CYFIP2: variants seen among roughly 807,000 people sequenced by gnomAD.
CYFIP2 encodes cytoplasmic FMR1-interacting protein 2.
Under a neutral mutation model 158.7 loss-of-function variants are expected in CYFIP2, and 29 were observed. That is an observed-to-expected ratio of 0.18 (90% confidence interval 0.14 to 0.25). CYFIP2 has a LOEUF of 0.25. Ranked by LOEUF, CYFIP2 falls within the 10% of genes least tolerant of loss-of-function variation. The pLI, the probability that CYFIP2 is intolerant of heterozygous loss-of-function variation, is 1.00. For missense variants in CYFIP2, 852 were observed against 1,639.5 expected, an observed-to-expected ratio of 0.52 and a Z score of 8.29; for synonymous variants, 585 against 617.6, an observed-to-expected ratio of 0.95 and a Z score of 0.78.
At chr5:157,384,269 G>T (rs779145327) in intron 28 of CYFIP2, 1 of 456,636 alleles carries the variant, frequency 2.2e-6, no homozygotes, top group Non-Finnish European at 4.4e-6. Context: ...GGGGGAGAGC[G>T]GAGAAACAAA....
intron 26 of CYFIP2, among the ~76,000 whole-genome samples, chr5:157,382,046 A>C (rs1766180069): frequency 6.6e-6 from 1 of 152,218 alleles, no homozygotes; most frequent in Non-Finnish European, 1.5e-5. Context: ...ATCTTTGCAC[A>C]TAACAAATAA....
At chr5:157,374,984 C>T (rs1440666248) in intron 26 of CYFIP2, among the ~76,000 whole-genome samples, 8 of 152,264 alleles carry the variant, frequency 5.3e-5, no homozygotes, top group South Asian at 2.1e-4. Flanking sequence ...TGCCTAATGA[C>T]GAGTAAGGGA....
At position 157,312,863 on chromosome 5, in the gene CYFIP2, T is replaced by A. The variant is rs150741679; in HGVS notation, c.1110+1082T>A. ...CTTATTTTGAGTGCTAGAGCTCTTT[T>A]AAAAATTTTTTTTAATATTTTATTT... On this transcript the variant is annotated intron_variant, in intron 11 of 30. Transcript: ENST00000620254. Among the ~76,000 whole-genome samples, 51 of 152,274 alleles carry A rather than the reference T, an allele frequency of 3.3e-4. No homozygotes were observed. The East Asian group carries it at 3.7e-3, about 11-fold the overall frequency.
chr5:157,317,721 T>C (rs904874691), intron 13 of CYFIP2, among the ~76,000 whole-genome samples: 27 of 152,268 alleles, frequency 1.8e-4, no homozygotes, highest in African/African-American at 6.5e-4. Flanking sequence ...TTGTTCTTCA[T>C]AGAATTAGCA....
At chr5:157,324,197 AC>A in intron 16 of CYFIP2, 123 bp downstream of exon 16, 1 of 1,158,078 alleles carries the variant, frequency 8.6e-7, no homozygotes, top group Non-Finnish European at 1.2e-6. Context: ...GGCACATATC[AC>A]CACCAAGGAA....
At chr5:157,300,533 CAAAA>C (rs72316432) in intron 5 of CYFIP2, among the ~76,000 whole-genome samples, 178 bp from the exon 6 acceptor site, 4 of 121,196 alleles carry the variant, frequency 3.3e-5, no homozygotes, top group Non-Finnish European at 5.2e-5. Context: ...GACTCCGTCT[CAAAA>C]AAAAAAAAAA....
chr5:157,382,752 A>T (rs1766254761), intron 27 of CYFIP2, 90 bp downstream of exon 27: 1 of 1,317,254 alleles, frequency 7.6e-7, no homozygotes, highest in Non-Finnish European at 1.1e-6. Flanking sequence ...TCTAGTCAGC[A>T]AGGGGGAAGG....
intron 2 of CYFIP2, 29 bp downstream of exon 2, chr5:157,285,507 G>T (rs1757303156): frequency 6.5e-7 from 1 of 1,542,562 alleles, no homozygotes; most frequent in African/African-American, 1.4e-5. Flanking sequence ...AGCACCAGGG[G>T]GCCCAGGAAT....
chr5:157,343,140 G>A (rs1762412242), intron 23 of CYFIP2: 1 of 1,614,220 alleles, frequency 6.2e-7, no homozygotes, highest in Non-Finnish European at 8.5e-7. Context: ...CAGAACTGGA[G>A]GCAGATGAAG....
intron 1 of CYFIP2, among the ~76,000 whole-genome samples, chr5:157,267,214 C>G (rs149362986): frequency 3.9e-5 from 6 of 152,332 alleles, no homozygotes; most frequent in Non-Finnish European, 8.8e-5. Context: ...CCAGCTAGGC[C>G]AAGAATGGGA....
chr5:157,388,491 C>T (rs1455856757), intron 28 of CYFIP2, among the ~76,000 whole-genome samples: 1 of 152,242 alleles, frequency 6.6e-6, no homozygotes, highest in East Asian at 1.9e-4. Flanking sequence ...CAATCCCACT[C>T]ACTACTCCAA....
At chr5:157,389,643 A>C (rs1458217370) in intron 29 of CYFIP2, 5 of 512,388 alleles carry the variant, frequency 9.8e-6, no homozygotes, top group Non-Finnish European at 1.4e-5. Flanking sequence ...CCCCCACTAC[A>C]CTGTACTACT....
chr5:157,311,443 A>T lies in CYFIP2; in HGVS notation c.993-221A>T. ...GGAAAGGCCTACAGTTGGATCCTAG[A>T]TGAGGCTGGCACCAAAGAGGAGGAG... On this transcript the variant is annotated intron_variant, in intron 10 of 30. Transcript: ENST00000620254. This position sits in a 1 kb window ranked among gnomAD's most constrained non-coding sequence, Gnocchi z 4.7. The T allele has an allele frequency of 1.7e-6, 1 of 571,954 alleles. No individual in the cohort carries two copies. Among genetic ancestry groups the T allele is most frequent in the Non-Finnish European group, 3.1e-6 (1 of 318,712 alleles). 35.4% of individuals were successfully genotyped at this position (571,954 alleles called of 1,614,324 possible).
chr5:157,299,528 T>C (rs1205219621), intron 5 of CYFIP2, among the ~76,000 whole-genome samples: 2 of 152,222 alleles, frequency 1.3e-5, no homozygotes, highest in African/African-American at 4.8e-5. Flanking sequence ...TCCTCAAGCC[T>C]TCCTTCTTTA....
chr5:157,344,869 C>T, intron 23 of CYFIP2, among the ~76,000 whole-genome samples: 1 of 152,212 alleles, frequency 6.6e-6, no homozygotes, highest in African/African-American at 2.4e-5. Context: ...CCCCCATCCT[C>T]TTGTGTTTGT....
At chr5:157,390,709 G>C (rs1340680977) in intron 30 of CYFIP2, 41 bp downstream of exon 30, 1 of 1,563,536 alleles carries the variant, frequency 6.4e-7, no homozygotes, top group Non-Finnish European at 8.7e-7. Context: ...GTGGGGCTGG[G>C]CTGACAACCA....
At chr5:157,373,071 C>A (rs1765141183) in intron 26 of CYFIP2, among the ~76,000 whole-genome samples, 1 of 152,174 alleles carries the variant, frequency 6.6e-6, no homozygotes, top group African/African-American at 2.4e-5. Flanking sequence ...AAATTTTATA[C>A]TCTCCAGCTT....
intron 23 of CYFIP2, among the ~76,000 whole-genome samples, chr5:157,353,960 G>A (rs182824984): frequency 2.4e-4 from 37 of 152,224 alleles, no homozygotes; most frequent in Admixed American, 1.2e-3. Context: ...CTATCTCAAC[G>A]GATAGATGAA....
intron 13 of CYFIP2, among the ~76,000 whole-genome samples, chr5:157,315,915 A>T (rs922112293): frequency 6.6e-6 from 1 of 152,124 alleles, no homozygotes; most frequent in East Asian, 1.9e-4. Context: ...GTGAAACCCC[A>T]TCTCTACTAA....
Sources: gnomAD v4.1 joint callset for allele counts (sites outside exome capture counted in the v4.1 genomes callset) on GRCh38, gnomAD v4.1.1 for gene constraint, Gnocchi (gnomAD v3.1) non-coding constraint, MANE v1.5 for transcripts, NCBI Gene and HGNC (gene_info 2026-07-23, HGNC 2026-07-21) for gene names.